Variants in SCML4 observed in about 807,000 individuals in gnomAD.
The protein encoded by SCML4 is sex comb on midleg-like protein 4.
A neutral mutation model predicts 41.1 loss-of-function variants in SCML4; 34 were observed. The observed-to-expected ratio is 0.83, with a 90% CI of 0.63 to 1.10. SCML4 has a LOEUF of 1.10. Among genes scored for constraint, SCML4 ranks in the 50% least tolerant of loss-of-function variants. The probability of loss-of-function intolerance (pLI) is 0.00; values close to 1 mark genes in which losing one functional copy is unlikely to be tolerated. For synonymous variants in SCML4, 214 were observed against 220.9 expected (o/e 0.97, Z 0.28); for missense variants, 522 against 534.1 (o/e 0.98, Z 0.22).
intron 1 of SCML4, among the ~76,000 whole-genome samples, chr6:107,785,951 G>A (rs1006584497): frequency 2.0e-4 from 31 of 151,994 alleles, no homozygotes; most frequent in African/African-American, 7.5e-4. Flanking sequence ...TTGCAGCCTA[G>A]TACTCCAAGG....
chr6:107,728,877 C>G (rs556660638), intron 5 of SCML4, among the ~76,000 whole-genome samples: 1 of 152,304 alleles, frequency 6.6e-6, no homozygotes, highest in South Asian at 2.1e-4. Flanking sequence ...GAGTGAACAG[C>G]ACGTTCAGAT....
At chr6:107,796,513 G>C (rs552118715) in intron 1 of SCML4, among the ~76,000 whole-genome samples, 36 of 152,294 alleles carry the variant, frequency 2.4e-4, no homozygotes, top group African/African-American at 8.2e-4. Context: ...TTATTGAGCT[G>C]TAGGAGTTCT....
chr6:107,773,909 A>T (rs574958853), intron 1 of SCML4, among the ~76,000 whole-genome samples: 2 of 152,258 alleles, frequency 1.3e-5, no homozygotes, highest in Non-Finnish European at 2.9e-5. Flanking sequence ...GTCTACAAGG[A>T]CAAGATTGCT....
intron 1 of SCML4, among the ~76,000 whole-genome samples, chr6:107,803,290 G>A (rs1783403948): frequency 6.8e-6 from 1 of 147,950 alleles, no homozygotes; most frequent in African/African-American, 2.5e-5. Context: ...CCCCATCTGT[G>A]AAGTGAGGAG....
At chr6:107,759,000 A>G (rs1779329096) in intron 2 of SCML4, among the ~76,000 whole-genome samples, 2 of 152,104 alleles carry the variant, frequency 1.3e-5, no homozygotes, top group Non-Finnish European at 2.9e-5. Context: ...TGCTAGGCCC[A>G]GTGGCTCACA....
intron 5 of SCML4, among the ~76,000 whole-genome samples, chr6:107,737,310 A>C (rs1186735282): frequency 6.6e-6 from 1 of 152,168 alleles, no homozygotes; most frequent in Admixed American, 6.5e-5. Flanking sequence ...ACCATGCTTC[A>C]GGTGCTTGCT....
At chr6:107,837,368 G>A in the SCML4 span, among the ~76,000 whole-genome samples, 2 of 152,248 alleles carry the variant, frequency 1.3e-5, no homozygotes, top group African/African-American at 4.8e-5. Flanking sequence ...TGGGAAGCCA[G>A]TCATGAGTTT....
intron 1 of SCML4, among the ~76,000 whole-genome samples, chr6:107,804,082 A>G (rs939120372): frequency 8.0e-5 from 11 of 137,316 alleles, no homozygotes; most frequent in Non-Finnish European, 1.1e-4. Context: ...AAAAAAAAAA[A>G]GAGCATTGGC....
intron 3 of SCML4, among the ~76,000 whole-genome samples, chr6:107,747,635 A>G (rs1778263122): frequency 6.7e-6 from 1 of 150,344 alleles, no homozygotes; most frequent in South Asian, 2.1e-4. Context: ...ATATATATAA[A>G]CATAAAAATG....
rs1774919676 is a variant in SCML4, at chr6:107,717,182, T to G, written c.973+3521A>C. Among the ~76,000 whole-genome samples the G allele has an allele frequency of 1.4e-4, 16 of 112,280 alleles. 4 individuals carry two copies. The highest frequency in any genetic ancestry group is 2.0e-4 in the Admixed American group (2 of 10,210). The allele number at this position is 112,280 out of a possible 152,430, so 73.7% of individuals were successfully genotyped here. A position where few individuals can be genotyped will look rare whatever the true frequency, so the allele number is the denominator to read the frequency against. ...AAAAAAAAAAAAAAAAAGCCAGGTG[T>G]GGTGGCAGGCACCTGTAGTCCCAGC... On this transcript the variant is annotated intron_variant, in intron 6 of 7. Transcript: ENST00000369020.
At position 107,709,883 on chromosome 6, in the gene SCML4, G is replaced by A. The variant is rs181918145; in HGVS notation, c.974-1872C>T. On this transcript the variant is annotated intron_variant, in intron 6 of 7. Transcript: ENST00000369020. ...CCACCATCACGCCCAGCTAATTCCT[G>A]TATTTTAGTAGAGATGGGGTTTCAC... Among the ~76,000 whole-genome samples the A allele has an allele frequency of 2.3e-3, 356 of 152,114 alleles. 4 individuals carry two copies. The highest frequency in any genetic ancestry group is 8.1e-3 in the African/African-American group (334 of 41,470).
chr6:107,772,318 G>A lies in SCML4; in HGVS notation c.10C>T (p.Gln4Ter), dbSNP rs1780590022. The A allele has an allele frequency of 6.5e-7, 1 of 1,550,322 alleles. No individual in the cohort carries two copies. Among genetic ancestry groups the A allele is most frequent in the African/African-American group, 1.4e-5 (1 of 72,966 alleles). MQS[Q>*]RIPGRKRGRP... ...CCTCGCTTTCTCCCCGGGATCCTTT[G>A]AGACTGCATTTCTGCTGGTGCCAGT... Residue 4 changes from glutamine (Q) to a stop codon, truncating the protein, a stop_gained, in exon 2 of 8, where the codon CAA (glutamine) becomes TAA (stop). Transcript: ENST00000369020. LOFTEE classifies it high-confidence loss of function.
chr6:107,756,710 C>T (rs1429698952), intron 2 of SCML4, among the ~76,000 whole-genome samples: 2 of 152,110 alleles, frequency 1.3e-5, no homozygotes, highest in African/African-American at 4.8e-5. Flanking sequence ...GTGCGGGGTA[C>T]GTGAGAATTC....
intron 1 of SCML4, among the ~76,000 whole-genome samples, chr6:107,803,172 G>A (rs1027804043): frequency 2.0e-5 from 3 of 149,708 alleles, no homozygotes; most frequent in Non-Finnish European, 4.5e-5. Flanking sequence ...CACCCCATCT[G>A]GGAAGTGAGG....
chr6:107,781,485 G>A (rs532709652), intron 1 of SCML4, among the ~76,000 whole-genome samples: 6 of 152,000 alleles, frequency 3.9e-5, no homozygotes, highest in Non-Finnish European at 7.4e-5. Context: ...CATCTCTACC[G>A]AAAATACAAA....
intron 1 of SCML4, among the ~76,000 whole-genome samples, chr6:107,816,384 A>T (rs1292076040): frequency 6.6e-6 from 1 of 152,220 alleles, no homozygotes; most frequent in Non-Finnish European, 1.5e-5. Context: ...GGGGACTGAC[A>T]GGAAGAACAT....
At chr6:107,828,987 G>A (rs1324527156), upstream of SCML4, among the ~76,000 whole-genome samples, 12 of 152,040 alleles carry the variant, frequency 7.9e-5, no homozygotes, top group Admixed American at 7.9e-4. Flanking sequence ...AGAAGAACAC[G>A]GAATGAAACT....
intron 1 of SCML4, among the ~76,000 whole-genome samples, chr6:107,797,987 C>T (rs1782836416): frequency 6.6e-6 from 1 of 151,986 alleles, no homozygotes; most frequent in African/African-American, 2.4e-5. Context: ...CTATGACATA[C>T]TATCCATTTT....
intron 1 of SCML4, among the ~76,000 whole-genome samples, chr6:107,772,971 T>C (rs1401345781): frequency 3.3e-5 from 5 of 152,170 alleles, no homozygotes; most frequent in African/African-American, 1.2e-4. Context: ...TTTCACATGA[T>C]TTAGAATTGC....
Sources: allele counts gnomAD v4.1 joint callset (sites outside exome capture counted in the v4.1 genomes callset), GRCh38; gene constraint gnomAD v4.1.1; transcripts MANE v1.5; gene names NCBI Gene and HGNC (gene_info 2026-07-23, HGNC 2026-07-21).